NKAIN2: variants seen among roughly 807,000 people sequenced by gnomAD.
NKAIN2 encodes the protein sodium/potassium transporting ATPase interacting 2, also known as sodium/potassium-transporting ATPase subunit beta-1-interacting protein 2.
Under a neutral mutation model 32.6 loss-of-function variants are expected in NKAIN2, and 14 were observed. That is an observed-to-expected ratio of 0.43 (90% CI 0.28 to 0.67). NKAIN2 has a LOEUF of 0.67. NKAIN2 is among the 30% of genes least tolerant of loss of function. NKAIN2 has a pLI of 0.17. For missense variants in NKAIN2, 198 were observed against 258.3 expected (o/e 0.77, Z 1.60); for synonymous variants, 80 against 87.2 (o/e 0.92, Z 0.46).
intron 3 of NKAIN2, among the ~76,000 whole-genome samples, chr6:124,572,476 T>C (rs1305295389): frequency 1.3e-5 from 2 of 152,206 alleles, no homozygotes; most frequent in African/African-American, 4.8e-5. Flanking sequence ...AAATGTTGAA[T>C]CCCAGTTAAT....
intron 1 of NKAIN2, among the ~76,000 whole-genome samples, chr6:124,003,340 G>T (rs142005090): frequency 1.3e-3 from 199 of 152,118 alleles, no homozygotes; most frequent in African/African-American, 4.6e-3. Flanking sequence ...TTTAATATTA[G>T]GTACCATACT....
At chr6:123,992,985 G>C (rs866309434) in intron 1 of NKAIN2, among the ~76,000 whole-genome samples, 76 of 152,188 alleles carry the variant, frequency 5.0e-4, no homozygotes, top group Admixed American at 4.9e-3. Context: ...TGAGAACCTG[G>C]ACAAATTGTA....
chr6:124,728,055 A>C (rs1776427796), intron 4 of NKAIN2, among the ~76,000 whole-genome samples: 2 of 151,620 alleles, frequency 1.3e-5, no homozygotes, highest in African/African-American at 2.4e-5. Flanking sequence ...CGGATTAATA[A>C]AGCAAGTCCT....
rs1419649894 is a variant in NKAIN2, at chr6:124,271,478, A to T, written c.55-11527A>T. On this transcript the variant is annotated intron_variant, in intron 1 of 6. Transcript: ENST00000368417. ...TGATCCACCCGCCTTGGCCTCCCAA[A>T]CTGCTGGGATTACAGGCGTGAGCCA... Among the ~76,000 whole-genome samples the T allele has an allele frequency of 2.0e-5, 3 of 152,134 alleles. No homozygotes were observed. The East Asian group carries it at 5.8e-4, about 29-fold the overall frequency.
intron 5 of NKAIN2, among the ~76,000 whole-genome samples, chr6:124,806,289 T>G (rs1292775761): frequency 6.6e-6 from 1 of 152,182 alleles, no homozygotes; most frequent in Non-Finnish European, 1.5e-5. Context: ...ACAGCGGATC[T>G]CTTGGCAGAA....
At chr6:124,159,965 A>G (rs985640736) in intron 1 of NKAIN2, among the ~76,000 whole-genome samples, 1 of 152,270 alleles carries the variant, frequency 6.6e-6, no homozygotes, top group East Asian at 1.9e-4. Flanking sequence ...CTTTTTTCTT[A>G]CTACTCCTTT....
chr6:124,636,288 AAGT>A (rs1324561312), intron 3 of NKAIN2, among the ~76,000 whole-genome samples: 1 of 151,944 alleles, frequency 6.6e-6, no homozygotes, highest in African/African-American at 2.4e-5. Flanking sequence ...ACGCAATACT[AAGT>A]AGAAAGTTTA....
chr6:124,708,358 G>T (rs80066458), intron 4 of NKAIN2, among the ~76,000 whole-genome samples: 65,377 of 150,800 alleles, frequency 0.43, 14,460 homozygotes, highest in African/African-American at 0.52. Context: ...CTTTAAAGTA[G>T]TTTTTTCCAA....
At chr6:124,358,637 A>T (rs1799109140) in intron 3 of NKAIN2, among the ~76,000 whole-genome samples, 1 of 151,666 alleles carries the variant, frequency 6.6e-6, no homozygotes, top group East Asian at 1.9e-4. Context: ...TTTTCTTGTA[A>T]ATTTGTTTGA....
At chr6:123,963,951 CTAG>C (rs1390924336) in intron 1 of NKAIN2, among the ~76,000 whole-genome samples, 2 of 152,112 alleles carry the variant, frequency 1.3e-5, no homozygotes, top group Admixed American at 1.3e-4. Flanking sequence ...TTTTATAGGA[CTAG>C]GAGTATAATG....
At chr6:124,636,377 G>A (rs143330607) in intron 3 of NKAIN2, among the ~76,000 whole-genome samples, 1,842 of 151,788 alleles carry the variant, frequency 0.012, 16 homozygotes, top group Middle Eastern at 0.017. Context: ...AGGGAAGCAA[G>A]GAAAACTAAA....
intron 3 of NKAIN2, among the ~76,000 whole-genome samples, chr6:124,569,493 G>T (rs1191390955): frequency 6.6e-6 from 1 of 152,148 alleles, no homozygotes; most frequent in Admixed American, 6.5e-5. Flanking sequence ...AGAATTCCCA[G>T]TTGTGGGAGG....
chr6:124,560,942 G>GCCTT (rs1780666473), intron 3 of NKAIN2, among the ~76,000 whole-genome samples: 1 of 152,164 alleles, frequency 6.6e-6, no homozygotes, highest in Non-Finnish European at 1.5e-5. Context: ...GTAGGCAGAT[G>GCCTT]ATTAAGGCAC....
chr6:124,727,023 A>G (rs933762204), intron 4 of NKAIN2, among the ~76,000 whole-genome samples: 3 of 151,814 alleles, frequency 2.0e-5, no homozygotes, highest in Admixed American at 2.0e-4. Context: ...AACAAAAAGA[A>G]ATGAGCAAAG....
chr6:124,403,177 C>A (rs995402782), intron 3 of NKAIN2, among the ~76,000 whole-genome samples: 1 of 151,976 alleles, frequency 6.6e-6, no homozygotes, highest in Admixed American at 6.6e-5. Context: ...TTTCAATTTT[C>A]TATTTTCCGT....
chr6:123,897,142 A>G (rs1774324064), intron 1 of NKAIN2, among the ~76,000 whole-genome samples: 1 of 152,172 alleles, frequency 6.6e-6, no homozygotes, highest in South Asian at 2.1e-4. Flanking sequence ...ATGCCATTAG[A>G]GTGAACTTCC....
intron 1 of NKAIN2, among the ~76,000 whole-genome samples, chr6:123,930,977 G>T (rs1776227199): frequency 6.6e-6 from 1 of 152,056 alleles, no homozygotes; most frequent in South Asian, 2.1e-4. Context: ...GGAGGAAAAT[G>T]AGCTCTTAAA....
chr6:124,244,932 G>T (rs768656532), intron 1 of NKAIN2, among the ~76,000 whole-genome samples: 11 of 151,974 alleles, frequency 7.2e-5, no homozygotes, highest in Non-Finnish European at 1.2e-4. Flanking sequence ...ATTTTCATTT[G>T]TCTAGAAATT....
intron 1 of NKAIN2, among the ~76,000 whole-genome samples, chr6:124,278,688 T>TATATATGC (rs1795156020): frequency 7.3e-6 from 1 of 137,626 alleles, no homozygotes; most frequent in South Asian, 2.3e-4. Flanking sequence ...TATATATATA[T>TATATATGC]ATGCTATTAT....
Sources: gnomAD v4.1 joint callset for allele counts (sites outside exome capture counted in the v4.1 genomes callset) on GRCh38, gnomAD v4.1.1 for gene constraint, MANE v1.5 for transcripts, NCBI Gene and HGNC (gene_info 2026-07-23, HGNC 2026-07-21) for gene names.